MMP8: variants seen among roughly 807,000 people sequenced by gnomAD.
MMP8 encodes the protein neutrophil collagenase.
A neutral mutation model predicts 51.2 loss-of-function variants in MMP8; 67 were observed. That is an observed-to-expected ratio of 1.31 (90% CI 1.08 to 1.60). The LOEUF (loss-of-function observed/expected upper bound fraction) is 1.60. Among genes scored for constraint, MMP8 ranks in the 40% most tolerant of loss-of-function variants. The pLI is 0.00. For synonymous variants in MMP8, 225 were observed against 191.0 expected, an observed-to-expected ratio of 1.18 and a Z score of -1.47; for missense variants, 654 against 558.1, an observed-to-expected ratio of 1.17 and a Z score of -1.73.
chr11:102,711,960 A>C lies in MMP8; in HGVS notation c.*1388T>G, dbSNP rs974379713. 9.2e-5 allele frequency: 14 copies of C among 152,346 alleles called. No homozygotes were observed. Among genetic ancestry groups the C allele is most frequent in the Non-Finnish European group, 1.8e-4 (12 of 68,038 alleles). 9.4% of individuals were successfully genotyped at this position (152,346 alleles called of 1,614,324 possible). A position where few individuals can be genotyped will look rare whatever the true frequency, so the allele number is the denominator to read the frequency against. On this transcript the variant is annotated 3_prime_UTR_variant, in exon 10 of 10. Transcript: ENST00000236826. Reference sequence around the variant, plus strand: ...AATATATTTTACAGTCTACATATTTATTGTATAATAAGCTATATTATATTC... The same window carrying C: ...AATATATTTTACAGTCTACATATTTCTTGTATAATAAGCTATATTATATTC...
At position 102,714,645 on chromosome 11, in the gene MMP8, G is replaced by A; in HGVS notation, c.1101C>T (p.Asn367=). 1 of 1,554,988 alleles carries A rather than the reference G, an allele frequency of 6.4e-7. No homozygotes were observed. Among genetic ancestry groups the A allele is most frequent in the Non-Finnish European group, 8.7e-7 (1 of 1,153,816 alleles). ...CTTGGACGCTGCTGGGGAAGCCATA[G>A]TTTGATATATCCTTGGGATAACCTT... ...ILQGYPKDIS[N]YGFPSSVQAI... The change falls in exon 8 of 10, where the codon AAC becomes AAT. Residue 367 remains asparagine (N), a synonymous_variant. Coordinates refer to ENST00000236826, the MANE Select transcript of MMP8 (RefSeq NM_002424.3).
At chr11:102,713,653 G>T in intron 9 of MMP8, 101 bp downstream of exon 9, 1 of 1,122,988 alleles carries the variant, frequency 8.9e-7, no homozygotes, top group Non-Finnish European at 1.3e-6. Flanking sequence ...ATTGCTTGAG[G>T]CCAGGAGTTT....
Position 102,715,291 on chromosome 11 carries a change from T to C in MMP8, c.1036+13A>G. 26 of 1,605,170 alleles carry C rather than the reference T, an allele frequency of 1.6e-5. No individual in the cohort carries two copies. The highest frequency in any genetic ancestry group is 2.2e-5 in the Non-Finnish European group (26 of 1,176,876). ...GGCAGAACTAACATAAGATGAAAAC[T>C]TTAGGAAGTTACCTTTAAATAGGAA... On this transcript the variant is annotated intron_variant, in intron 7 of 9. Coordinates refer to ENST00000236826, the MANE Select transcript of MMP8 (RefSeq NM_002424.3).
rs1374166735 is a variant in MMP8, at chr11:102,715,352, G to C, written c.988C>G (p.Gln330Glu). The C allele has an allele frequency of 6.2e-7, 1 of 1,613,508 alleles. No homozygotes were observed. ...LFWPSLPTGI[Q>E]AAYEDFDRDL... The stretch of plus-strand genomic sequence containing the variant: ...CTGTCAAAATCTTCATAAGCAGCCT[G>C]TATACCAGTTGGAAGGGATGGCCAG... The change falls in exon 7 of 10, where the codon CAG (glutamine) becomes GAG (glutamate). Residue 330 changes from glutamine to glutamate, a missense_variant. Transcript: ENST00000236826.
intron 1 of MMP8, among the ~76,000 whole-genome samples, chr11:102,724,542 T>C (rs1489548142): frequency 6.6e-6 from 1 of 152,224 alleles, no homozygotes; most frequent in Non-Finnish European, 1.5e-5. Context: ...TTCCCAGCCT[T>C]TAAAGAATTC....
rs141969833 is a variant in MMP8 at position 102,713,763 on chromosome 11, G to C, written c.1285C>G (p.Gln429Glu). The C allele has an allele frequency of 1.2e-4, 185 of 1,602,096 alleles. No individual in the cohort carries two copies. The African/African-American group carries it at 2.2e-3, about 19-fold the overall frequency. The stretch of plus-strand genomic sequence containing the variant: ...TTTTTTTCCTACTTACGTTCTTGCT[G>C]GAAAACTGCATCAACTTTACTCTCT... ...GIESKVDAVF[Q>E]QEHFFHVFSG... The change falls in exon 9 of 10, where the codon CAG becomes GAG. Residue 429 changes from glutamine (Q) to glutamate (E), a missense_variant. Gln to Glu is a conservative substitution (Grantham distance 29). Coordinates refer to ENST00000236826, the MANE Select transcript of MMP8 (RefSeq NM_002424.3).
At chr11:102,716,017 T>C (rs1861282047) in intron 6 of MMP8, among the ~76,000 whole-genome samples, 1 of 152,146 alleles carries the variant, frequency 6.6e-6, no homozygotes. Flanking sequence ...TTTTCATGTT[T>C]TTTTTTTCTC....
chr11:102,720,278 C>A (rs563348716), intron 4 of MMP8, among the ~76,000 whole-genome samples: 5 of 152,154 alleles, frequency 3.3e-5, no homozygotes, highest in Admixed American at 2.0e-4. Context: ...CAAAAACAAA[C>A]CCTGCTGCAA....
intron 9 of MMP8, 95 bp downstream of exon 9, chr11:102,713,659 A>T (rs1861191360): frequency 8.7e-7 from 1 of 1,148,242 alleles, no homozygotes; most frequent in Non-Finnish European, 1.3e-6. Flanking sequence ...TGAGGCCAGG[A>T]GTTTGACACT....
chr11:102,714,759 A>G (rs759504889), intron 7 of MMP8, 50 bp from the exon 8 acceptor site: 4 of 353,816 alleles, frequency 1.1e-5, no homozygotes, highest in Middle Eastern at 8.8e-4. Context: ...CATTTTTACA[A>G]AATTATATAT....
At chr11:102,717,015 A>G (rs1252391650) in intron 5 of MMP8, among the ~76,000 whole-genome samples, 1 of 152,146 alleles carries the variant, frequency 6.6e-6, no homozygotes, top group Non-Finnish European at 1.5e-5. Flanking sequence ...TAGGCTCAAC[A>G]TTTCTGAAAT....
rs758661719 is a variant in MMP8 at position 102,718,389 on chromosome 11, T to C, written c.784+25A>G. The C allele has an allele frequency of 3.1e-6, 5 of 1,597,802 alleles. No homozygotes were observed. The South Asian group carries it at 3.4e-5, about 11-fold the overall frequency. On this transcript the variant is annotated intron_variant, in intron 5 of 9. Transcript: ENST00000236826. ...CCTATTCCCAGGTCCTACCATGTAC[T>C]ATGACTCTCTTGAGAAGACCTTACC... is the stretch of plus-strand genomic sequence containing the variant.
In MMP8 at chr11:102,721,540, A is replaced by G; in HGVS notation, c.497-14T>C. The G allele has an allele frequency of 6.2e-7, 1 of 1,613,790 alleles. No homozygotes were observed. Among genetic ancestry groups the G allele is most frequent in the South Asian group, 1.1e-5 (1 of 91,066 alleles). ...TGTCACCGTGATCTGAAATAAGAAC[A>G]TTTGTATTAGATCCTTGCCAAGTTT... On this transcript the variant is annotated splice_polypyrimidine_tract_variant and intron_variant, in intron 3 of 9. Transcript: ENST00000236826.
At chr11:102,721,278 T>A (rs978327324) in intron 4 of MMP8, 123 bp downstream of exon 4, 15 of 1,399,048 alleles carry the variant, frequency 1.1e-5, no homozygotes, top group Non-Finnish European at 1.3e-5. Context: ...AAATTTCAAA[T>A]GATCACTTTT....
In MMP8 at chr11:102,718,396, C is replaced by A. The variant is rs201565438; in HGVS notation, c.784+18G>T. ...CCAGGTCCTACCATGTACTATGACTCTCTTGAGAAGACCTTACCATAGATG... is the reference window on the plus strand; with the variant it reads ...CCAGGTCCTACCATGTACTATGACTATCTTGAGAAGACCTTACCATAGATG... On this transcript the variant is annotated intron_variant, in intron 5 of 9. Transcript: ENST00000236826. 1.5e-5 allele frequency: 24 copies of A among 1,602,108 alleles called. No homozygotes were observed. The highest frequency in any genetic ancestry group is 1.5e-4 in the South Asian group (13 of 89,376).
At position 102,724,941 on chromosome 11, in the gene MMP8, C is replaced by A; in HGVS notation, c.-86G>T. On this transcript the variant is annotated 5_prime_UTR_variant, in exon 1 of 10. Coordinates refer to ENST00000236826, the MANE Select transcript of MMP8 (RefSeq NM_002424.3). The stretch of plus-strand genomic sequence containing the variant: ...TCCCTGGCGAGCACCCTGACGTTCA[C>A]AGCATCATGTGTCACTCACAGCTCT... 6.9e-7 allele frequency: 1 copy of A among 1,455,644 alleles called. No homozygotes were observed. The allele number at this position is 1,455,644 out of a possible 1,614,324, so 90.2% of individuals were successfully genotyped here. A position where few individuals can be genotyped will look rare whatever the true frequency, so the allele number is the denominator to read the frequency against.
chr11:102,718,605 TCAGTGTGGATCC>T, intron 4 of MMP8, 30 bp from the exon 5 acceptor site: 1 of 1,612,702 alleles, frequency 6.2e-7, no homozygotes, highest in Non-Finnish European at 8.5e-7. Context: ...GGTAAACAGC[TCAGTGTGGATCC>T]CAGGGTGGCA....
At chr11:102,718,774 A>G (rs1861382958) in intron 4 of MMP8, among the ~76,000 whole-genome samples, 199 bp from the exon 5 acceptor site, 1 of 152,230 alleles carries the variant, frequency 6.6e-6, no homozygotes, top group African/African-American at 2.4e-5. Context: ...GATGGCGACT[A>G]GGTGAGTATG....
rs375244145 is a variant in MMP8 at position 102,724,106 on chromosome 11, T to C, written c.102+648A>G. ...GATAACCTCTTAATAATAATAATGC[T>C]TTCTCCAAACTATAATGCTAAGAAA... On this transcript the variant is annotated intron_variant, in intron 1 of 9. Coordinates refer to ENST00000236826, the MANE Select transcript of MMP8 (RefSeq NM_002424.3). 9.6e-4 allele frequency among the ~76,000 whole-genome samples: 146 copies of C among 152,330 alleles called. 1 individual carries two copies. The South Asian group carries it at 0.029, about 31-fold the overall frequency.
Sources: allele counts gnomAD v4.1 joint callset (sites outside exome capture counted in the v4.1 genomes callset), GRCh38; gene constraint gnomAD v4.1.1; transcripts MANE v1.5; gene names NCBI Gene and HGNC (gene_info 2026-07-23, HGNC 2026-07-21).